MACF1: variants seen among roughly 807,000 people sequenced by gnomAD.
MACF1 encodes the protein microtubule actin crosslinking factor 1, also known as microtubule-actin cross-linking factor 1.
A neutral mutation model predicts 854.8 loss-of-function variants in MACF1; 193 were observed. That is an observed-to-expected ratio of 0.23 (90% CI 0.20 to 0.25). MACF1 has a LOEUF of 0.25. Among genes scored for constraint, MACF1 ranks in the 10% least tolerant of loss-of-function variants. MACF1 has a pLI of 1.00. For missense variants in MACF1, 7,722 were observed against 8,929.1 expected (o/e 0.86, Z 5.45); for synonymous variants, 3,185 against 3,226.7 (o/e 0.99, Z 0.44).
Position 39,318,500 on chromosome 1 carries a change from C to T in MACF1, c.3830C>T (p.Ala1277Val). 6.2e-7 allele frequency: 1 copy of T among 1,613,990 alleles called. No individual in the cohort carries two copies. The highest frequency in any genetic ancestry group is 8.5e-7 in the Non-Finnish European group (1 of 1,179,956). Reference sequence around the variant, plus strand: ...CAGGAAGTTCTGGGAGATTACCGAGCCTGCCATGGAACTCTCATCAAGTGG... The same window carrying T: ...CAGGAAGTTCTGGGAGATTACCGAGTCTGCCATGGAACTCTCATCAAGTGG... ...SIQEVLGDYR[A>V]CHGTLIKWIE... The change falls in exon 30 of 101, where the codon GCC (alanine) becomes GTC (valine). Residue 1277 changes from alanine to valine, a missense_variant. Ala to Val is a moderately conservative substitution (Grantham distance 64, BLOSUM62 0). Around this residue, in one of 15 missense-constraint regions of MACF1, gnomAD observed 1,137 missense variants for 1,263.0 expected, o/e 0.90. Transcript: ENST00000564288.
intron 44 of MACF1, among the ~76,000 whole-genome samples, chr1:39,353,825 C>T (rs1647295936): frequency 6.6e-6 from 1 of 152,050 alleles, no homozygotes; most frequent in Non-Finnish European, 1.5e-5. Context: ...GTCATCAAAT[C>T]TTATGGTAAT....
intron 2 of MACF1, among the ~76,000 whole-genome samples, chr1:39,108,813 T>G (rs1642319874): frequency 6.6e-6 from 1 of 152,218 alleles, no homozygotes; most frequent in African/African-American, 2.4e-5. Context: ...CACAAAGCTT[T>G]AAGGACTAAA....
At chr1:39,413,790 A>C in intron 58 of MACF1, 1 of 1,611,816 alleles carries the variant, frequency 6.2e-7, no homozygotes, top group Non-Finnish European at 8.5e-7. Flanking sequence ...CAGCTGCTGC[A>C]GTGCCCACCC....
chr1:39,276,188 G>A (rs1410122296), intron 6 of MACF1, among the ~76,000 whole-genome samples: 1 of 152,094 alleles, frequency 6.6e-6, no homozygotes, highest in African/African-American at 2.4e-5. Flanking sequence ...CCAAAGTGGT[G>A]GGATTACAGG....
chr1:39,372,438 A>T (rs1557615715), intron 51 of MACF1, 41 bp from the exon 52 acceptor site: 1 of 1,163,956 alleles, frequency 8.6e-7, no homozygotes, highest in East Asian at 2.3e-5. Context: ...ATGAGGAAAA[A>T]GCCCCAGATA....
In MACF1 at chr1:39,450,939, A is replaced by C; in HGVS notation, c.20259-113A>C. Reference sequence around the variant, plus strand: ...ACTGTATTTCTAACTGTTCTAACATAGAAGTCACTCTCTATATAGGGTTCA... The same window carrying C: ...ACTGTATTTCTAACTGTTCTAACATCGAAGTCACTCTCTATATAGGGTTCA... On this transcript the variant is annotated intron_variant, in intron 84 of 100. Coordinates refer to ENST00000564288, the MANE Select transcript of MACF1 (RefSeq NM_001394062.1). 2.5e-6 allele frequency: 3 copies of C among 1,207,214 alleles called. 1 individual carries two copies. In the South Asian group the frequency reaches 4.3e-5, roughly 17 times the overall value. The allele number at this position is 1,207,214 out of a possible 1,614,324, so 74.8% of individuals were successfully genotyped here. A position where few individuals can be genotyped will look rare whatever the true frequency, so the allele number is the denominator to read the frequency against.
chr1:39,296,784 G>GGAAGGAAGGAAGGA (rs1557571347), intron 20 of MACF1, among the ~76,000 whole-genome samples: 1 of 71,586 alleles, frequency 1.4e-5, no homozygotes, highest in African/African-American at 6.4e-5. Context: ...AAGAAAGAAA[G>GGAAGGAAGGAAGGA]AAAGAAAGGA....
chr1:39,409,011 G>T lies in MACF1; in HGVS notation c.15817-13363G>T, dbSNP rs897221147. 6.6e-6 allele frequency among the ~76,000 whole-genome samples: 1 copy of T among 152,056 alleles called. No homozygotes were observed. The highest frequency in any genetic ancestry group is 6.5e-5 in the Admixed American group (1 of 15,296). ...CGCGCTCCCTGGCTTCCAGGGGGCT[G>T]CCCGGGCGGGGCGGCGCAGCGCGGC... On this transcript the variant is annotated intron_variant, in intron 58 of 100. Coordinates refer to ENST00000564288, the MANE Select transcript of MACF1 (RefSeq NM_001394062.1). The surrounding 1 kb of genome is among the most constrained non-coding windows in gnomAD (Gnocchi z 4.2).
intron 15 of MACF1, among the ~76,000 whole-genome samples, chr1:39,291,586 A>C (rs770085408): frequency 6.6e-6 from 1 of 152,250 alleles, no homozygotes; most frequent in African/African-American, 2.4e-5. Context: ...AGACTCCATA[A>C]AGAGAAATGC....
At chr1:39,193,153 C>T (rs1288832596) in intron 2 of MACF1, among the ~76,000 whole-genome samples, 1 of 151,830 alleles carries the variant, frequency 6.6e-6, no homozygotes, top group East Asian at 1.9e-4. Context: ...ACAAAAATAA[C>T]AATCCTGGGC....
intron 36 of MACF1, among the ~76,000 whole-genome samples, chr1:39,328,907 G>A (rs1646666548): frequency 6.6e-6 from 1 of 152,062 alleles, no homozygotes; most frequent in Non-Finnish European, 1.5e-5. Flanking sequence ...TACACTGCAG[G>A]CCTTTCTTCA....
intron 58 of MACF1, among the ~76,000 whole-genome samples, chr1:39,408,953 GC>G (rs1642844331): frequency 7.3e-6 from 1 of 136,386 alleles, no homozygotes; most frequent in Admixed American, 7.2e-5. Context: ...CCCCGCCCCC[GC>G]CCTCGTCCTC....
intron 88 of MACF1, among the ~76,000 whole-genome samples, chr1:39,454,259 C>T (rs1324747867): frequency 6.6e-6 from 1 of 152,148 alleles, no homozygotes; most frequent in Admixed American, 6.5e-5. Context: ...ACAGTATTCA[C>T]GGGAAGCGAA....
chr1:39,266,812 T>C (rs772315239), intron 6 of MACF1, among the ~76,000 whole-genome samples: 16 of 152,140 alleles, frequency 1.1e-4, no homozygotes, highest in Non-Finnish European at 2.2e-4. Flanking sequence ...TCTTTTCCCA[T>C]ATAGCAGATA....
At chr1:39,302,866 G>T in intron 22 of MACF1, 58 bp from the exon 23 acceptor site, 1 of 1,516,640 alleles carries the variant, frequency 6.6e-7, no homozygotes, top group Non-Finnish European at 9.1e-7. Flanking sequence ...TGAGGCACCA[G>T]GAAATAATGG....
chr1:39,155,433 A>G (rs1294096411), intron 2 of MACF1, among the ~76,000 whole-genome samples: 1 of 152,188 alleles, frequency 6.6e-6, no homozygotes, highest in African/African-American at 2.4e-5. Flanking sequence ...ACTTTAAAAA[A>G]GCAAAAGGAA....
chr1:39,381,984 T>A lies in MACF1; in HGVS notation c.13680T>A (p.Thr4560=). 6.2e-7 allele frequency: 1 copy of A among 1,614,060 alleles called. No homozygotes were observed. The change falls in exon 56 of 101, where the codon ACT becomes ACA. Residue 4560 remains threonine, a synonymous_variant. Transcript: ENST00000564288. ...GATGGGAAAGGGCCACTGAGGTTAC[T>A]GTGGCTCGGCAAAGGCAGCTAGAGG... is the stretch of plus-strand genomic sequence containing the variant. ...NSRWERATEV[T]VARQRQLEES...
intron 23 of MACF1, among the ~76,000 whole-genome samples, chr1:39,308,029 C>T (rs1397825174): frequency 4.6e-5 from 7 of 151,024 alleles, no homozygotes; most frequent in South Asian, 2.1e-4. Flanking sequence ...CTCAGCCTCC[C>T]GAGTAGCTGG....
rs1571235714 is a variant in MACF1, at chr1:39,264,282, G to T, written c.528+6254G>T. Among the ~76,000 whole-genome samples, 3 of 152,262 alleles carry T rather than the reference G, an allele frequency of 2.0e-5. No individual in the cohort carries two copies. The East Asian group carries it at 5.8e-4, about 29-fold the overall frequency. ...TTGCTGGGTTATATACTTTCCTTCA[G>T]TTTGCCTATATTTTGCCAAATTGCT... On this transcript the variant is annotated intron_variant, in intron 6 of 100. Transcript: ENST00000564288.
Sources: gnomAD v4.1 joint callset for allele counts (sites outside exome capture counted in the v4.1 genomes callset) on GRCh38, gnomAD v4.1.1 for gene constraint, gnomAD v4.1.1 regional missense constraint, Gnocchi (gnomAD v3.1) non-coding constraint, MANE v1.5 for transcripts, NCBI Gene and HGNC (gene_info 2026-07-23, HGNC 2026-07-21) for gene names.